The following MBD5 variants were observed in gnomAD, a reference collection of about 807,000 sequenced individuals.
MBD5 encodes methyl-CpG binding domain protein 5.
A neutral mutation model predicts 117.3 loss-of-function variants in MBD5; 13 were observed. The observed-to-expected ratio is 0.11, with a 90% CI of 0.07 to 0.18. MBD5 has a LOEUF of 0.18. MBD5 is among the 10% of genes least tolerant of loss of function. The pLI is 1.00. For missense variants in MBD5, 1,879 were observed against 2,093.8 expected (o/e 0.90, Z 2.00); for synonymous variants, 727 against 766.4 (o/e 0.95, Z 0.85).
chr2:148,372,099 G>GT (rs1376027551), intron 4 of MBD5, among the ~76,000 whole-genome samples: 1 of 152,058 alleles, frequency 6.6e-6, no homozygotes, highest in African/African-American at 2.4e-5. Context: ...GAACTATGTA[G>GT]TAAGAGCTGC....
chr2:148,506,333 T>A (rs773354610), intron 12 of MBD5, among the ~76,000 whole-genome samples: 22 of 152,280 alleles, frequency 1.4e-4, no homozygotes, highest in Non-Finnish European at 2.8e-4. Flanking sequence ...TCTGTCTATA[T>A]GTACGTATAC....
rs1705324918 is a variant in MBD5, at chr2:148,413,456, C to T, written c.-556-44747C>T. On this transcript the variant is annotated intron_variant, in intron 4 of 13. Transcript: ENST00000642680. Reference sequence around the variant, plus strand: ...TGTTGTGTCTGCCAGCTTTTGGTATCAGGATAATGCCGGCTTCATAGAGTG... The same window carrying T: ...TGTTGTGTCTGCCAGCTTTTGGTATTAGGATAATGCCGGCTTCATAGAGTG... 1.3e-5 allele frequency among the ~76,000 whole-genome samples: 2 copies of T among 149,990 alleles called. 1 individual carries two copies. The highest frequency in any genetic ancestry group is 4.2e-4 in the South Asian group (2 of 4,788).
At chr2:148,214,027 C>G (rs1257416337) in intron 2 of MBD5, among the ~76,000 whole-genome samples, 2 of 152,176 alleles carry the variant, frequency 1.3e-5, no homozygotes, top group Non-Finnish European at 2.9e-5. Context: ...GATATTCATT[C>G]ATTTGCCTCA....
intron 4 of MBD5, among the ~76,000 whole-genome samples, chr2:148,417,824 G>C (rs1339686079): frequency 1.3e-5 from 2 of 151,394 alleles, no homozygotes; most frequent in Non-Finnish European, 1.5e-5. Flanking sequence ...TTTTGTGCGG[G>C]GGGGTGTTTT....
chr2:148,054,499 T>A (rs1430672614), intron 1 of MBD5: 3 of 152,196 alleles, frequency 2.0e-5, no homozygotes, highest in African/African-American at 7.2e-5. Context: ...CTAAAATGTG[T>A]CCCATGAATC....
chr2:148,068,609 A>G (rs1387135035), intron 1 of MBD5: 1 of 152,220 alleles, frequency 6.6e-6, no homozygotes, highest in Non-Finnish European at 1.5e-5. Context: ...TTCTGTGGCA[A>G]AAAGTCTGGT....
At chr2:148,079,991 TCTAATTTATCTCTATCA>T (rs1695609186) in intron 1 of MBD5, among the ~76,000 whole-genome samples, 1 of 152,180 alleles carries the variant, frequency 6.6e-6, no homozygotes, top group Non-Finnish European at 1.5e-5. Context: ...GTTAATAGAT[TCTAATTTATCTCTATCA>T]GGTAAAGACA....
chr2:148,309,972 G>T (rs1701990585), intron 3 of MBD5, among the ~76,000 whole-genome samples: 1 of 152,168 alleles, frequency 6.6e-6, no homozygotes, highest in Non-Finnish European at 1.5e-5. Context: ...TGTTGAACCA[G>T]CCTTGCATCC....
chr2:148,412,272 T>TTTTTTGTGTG (rs946184910), intron 4 of MBD5, among the ~76,000 whole-genome samples: 66 of 144,584 alleles, frequency 4.6e-4, no homozygotes, highest in African/African-American at 1.6e-3. Context: ...AGTATACTTT[T>TTTTTTGTGTG]TGTGTGTGTG....
intron 4 of MBD5, among the ~76,000 whole-genome samples, chr2:148,400,141 A>G (rs1404187): frequency 0.75 from 113,857 of 152,038 alleles, 43,226 homozygotes; most frequent in African/African-American, 0.88. Flanking sequence ...AATTCTTTCA[A>G]TTTTGTTTTA....
intron 4 of MBD5, among the ~76,000 whole-genome samples, chr2:148,419,084 C>T (rs1667549873): frequency 6.6e-6 from 1 of 152,154 alleles, no homozygotes; most frequent in East Asian, 1.9e-4. Context: ...CAAGTACTTA[C>T]AACCAATTGA....
intron 2 of MBD5, among the ~76,000 whole-genome samples, chr2:148,207,436 A>G (rs1048516085): frequency 1.8e-5 from 2 of 111,928 alleles, no homozygotes; most frequent in Non-Finnish European, 4.2e-5. Flanking sequence ...GGAGGGAAGT[A>G]AAAAAGAAAA....
At chr2:148,330,033 A>ACCCCCCCCCCCCCCCCCCCC (rs56712549) in intron 3 of MBD5, among the ~76,000 whole-genome samples, 13 of 17,690 alleles carry the variant, frequency 7.3e-4, no homozygotes, top group Admixed American at 1.1e-3. Flanking sequence ...GTAGGTAAGA[A>ACCCCCCCCCCCCCCCCCCCC]CCCCCCCCCG....
intron 3 of MBD5, among the ~76,000 whole-genome samples, chr2:148,304,671 A>T (rs934704328): frequency 1.3e-5 from 2 of 152,214 alleles, no homozygotes; most frequent in Non-Finnish European, 2.9e-5. Flanking sequence ...GTGGGTATCT[A>T]TACCCAAGGA....
At chr2:148,267,085 A>T (rs1472403874) in intron 3 of MBD5, among the ~76,000 whole-genome samples, 1 of 152,148 alleles carries the variant, frequency 6.6e-6, no homozygotes, top group East Asian at 1.9e-4. Context: ...AACATGCAGG[A>T]GGTATGAGGC....
At chr2:148,231,858 A>G (rs1357419833) in intron 2 of MBD5, among the ~76,000 whole-genome samples, 2 of 152,188 alleles carry the variant, frequency 1.3e-5, no homozygotes, top group Non-Finnish European at 2.9e-5. Flanking sequence ...GGGGCTACAT[A>G]ATATCTAGGA....
intron 4 of MBD5, among the ~76,000 whole-genome samples, chr2:148,354,106 T>G (rs952102524): frequency 6.6e-6 from 1 of 152,168 alleles, no homozygotes; most frequent in African/African-American, 2.4e-5. Context: ...AAAAATTTTT[T>G]TATTTTACTT....
intron 3 of MBD5, among the ~76,000 whole-genome samples, chr2:148,245,135 C>T (rs1700306327): frequency 6.6e-6 from 1 of 152,212 alleles, no homozygotes; most frequent in Admixed American, 6.5e-5. Context: ...CCTGTAATCC[C>T]AGCAGTTTGG....
chr2:148,202,461 G>C (rs1359564813), intron 2 of MBD5, among the ~76,000 whole-genome samples: 1 of 152,060 alleles, frequency 6.6e-6, no homozygotes. Flanking sequence ...TGTACTTGAG[G>C]CTCAACAAGA....
Sources: gnomAD v4.1 joint callset for allele counts (sites outside exome capture counted in the v4.1 genomes callset) on GRCh38, gnomAD v4.1.1 for gene constraint, MANE v1.5 for transcripts, NCBI Gene and HGNC (gene_info 2026-07-23, HGNC 2026-07-21) for gene names.